SMURF1: variants seen among roughly 807,000 people sequenced by gnomAD.
SMURF1 encodes the protein E3 ubiquitin-protein ligase SMURF1.
Under a neutral mutation model 98.0 loss-of-function variants are expected in SMURF1, and 44 were observed. The ratio of observed to expected loss-of-function variants is 0.45; its 90% CI spans 0.35 to 0.58. The LOEUF (loss-of-function observed/expected upper bound fraction) is 0.58. Ranked by LOEUF, SMURF1 falls within the 20% of genes least tolerant of loss-of-function variation. The pLI is 0.00. For synonymous variants in SMURF1, 396 were observed against 374.9 expected (o/e 1.06, Z -0.65); for missense variants, 687 against 938.4 (o/e 0.73, Z 3.50).
intron 1 of SMURF1, among the ~76,000 whole-genome samples, chr7:99,071,374 G>C (rs905456097): frequency 3.3e-5 from 5 of 152,110 alleles, no homozygotes; most frequent in African/African-American, 1.2e-4. Context: ...ACGGGACACG[G>C]AACTTTTTAT....
intron 3 of SMURF1, 111 bp from the exon 4 acceptor site, chr7:99,057,662 T>C: frequency 7.8e-7 from 1 of 1,286,136 alleles, no homozygotes; most frequent in Non-Finnish European, 1.0e-6. Flanking sequence ...TGGAGTGCAG[T>C]TGTGTGATCT....
intron 1 of SMURF1, among the ~76,000 whole-genome samples, chr7:99,072,384 G>T (rs1193047488): frequency 6.6e-6 from 1 of 152,106 alleles, no homozygotes; most frequent in African/African-American, 2.4e-5. Flanking sequence ...GCCAGGCGTG[G>T]TGGCTCACCA....
chr7:99,090,460 C>G (rs1393952461), intron 1 of SMURF1, among the ~76,000 whole-genome samples: 1 of 152,048 alleles, frequency 6.6e-6, no homozygotes, highest in Non-Finnish European at 1.5e-5. Context: ...ACCCATAATC[C>G]CCTTACAGTC....
intron 11 of SMURF1, among the ~76,000 whole-genome samples, chr7:99,044,571 G>A (rs1795512152): frequency 6.6e-6 from 1 of 152,110 alleles, no homozygotes; most frequent in Non-Finnish European, 1.5e-5. Flanking sequence ...AGAGGCAGAA[G>A]GAATGCTGAA....
At chr7:99,112,816 A>C (rs901681282) in intron 1 of SMURF1, among the ~76,000 whole-genome samples, 8 of 152,154 alleles carry the variant, frequency 5.3e-5, no homozygotes, top group Admixed American at 5.2e-4. Context: ...AAAGTGACAA[A>C]AATTATAAAA....
chr7:99,088,514 C>G (rs1796733137), intron 1 of SMURF1, among the ~76,000 whole-genome samples: 1 of 151,340 alleles, frequency 6.6e-6, no homozygotes, highest in African/African-American at 2.4e-5. Context: ...TTACATAGCT[C>G]TCCAAACAGA....
chr7:99,098,279 G>A (rs1796997989), intron 1 of SMURF1, among the ~76,000 whole-genome samples: 1 of 152,088 alleles, frequency 6.6e-6, no homozygotes, highest in Non-Finnish European at 1.5e-5. Flanking sequence ...TGGAAGCAGG[G>A]GAGACGATAA....
intron 16 of SMURF1, 81 bp from the exon 17 acceptor site, chr7:99,033,202 G>T: frequency 7.2e-7 from 1 of 1,386,250 alleles, no homozygotes; most frequent in Non-Finnish European, 1.0e-6. Flanking sequence ...CAGGAGCAGG[G>T]CCCTGACCAC....
intron 11 of SMURF1, among the ~76,000 whole-genome samples, chr7:99,043,160 C>A (rs1206843422): frequency 2.0e-5 from 3 of 152,072 alleles, no homozygotes; most frequent in Admixed American, 6.6e-5. Context: ...ACATTCCGAC[C>A]GAGCCATGGA....
chr7:99,128,239 T>C (rs1364483236), intron 1 of SMURF1, among the ~76,000 whole-genome samples: 1 of 152,222 alleles, frequency 6.6e-6, no homozygotes, highest in Non-Finnish European at 1.5e-5. Flanking sequence ...TATGACAAGA[T>C]GACCGAATGG....
At chr7:99,039,994 G>A (rs1043625854) in intron 13 of SMURF1, among the ~76,000 whole-genome samples, 1 of 152,208 alleles carries the variant, frequency 6.6e-6, no homozygotes, top group East Asian at 1.9e-4. Context: ...ACGGGCCTGG[G>A]GAGTGGCCTG....
intron 11 of SMURF1, among the ~76,000 whole-genome samples, chr7:99,044,978 A>G (rs1415873188): frequency 1.3e-5 from 2 of 151,968 alleles, no homozygotes; most frequent in Non-Finnish European, 2.9e-5. Flanking sequence ...TCTACAAAAA[A>G]CTTTTTAAAA....
At chr7:99,047,957 G>A in intron 9 of SMURF1, 75 bp from the exon 10 acceptor site, 1 of 1,379,384 alleles carries the variant, frequency 7.2e-7, no homozygotes, top group Non-Finnish European at 1.0e-6. Flanking sequence ...GTACGCGACA[G>A]GGTCAGAGGA....
At chr7:99,052,681 A>G (rs901218330) in intron 6 of SMURF1, among the ~76,000 whole-genome samples, 1 of 152,244 alleles carries the variant, frequency 6.6e-6, no homozygotes, top group Non-Finnish European at 1.5e-5. Context: ...CAACTGTACA[A>G]TTTCACCATA....
chr7:99,050,886 T>G, intron 8 of SMURF1: 19 of 1,126,080 alleles, frequency 1.7e-5, no homozygotes, highest in Non-Finnish European at 2.0e-5. Flanking sequence ...CTTAACTCTG[T>G]TATGGGGTGG....
chr7:99,106,296 T>C (rs1797191752), intron 1 of SMURF1, among the ~76,000 whole-genome samples: 2 of 152,298 alleles, frequency 1.3e-5, no homozygotes, highest in South Asian at 4.1e-4. Flanking sequence ...CTGGAAAATA[T>C]CAAAGATTGA....
chr7:99,036,293 C>A (rs1264946084), intron 15 of SMURF1: 1 of 157,348 alleles, frequency 6.4e-6, no homozygotes, highest in African/African-American at 2.4e-5. Context: ...GCCTGGGCAA[C>A]ATGGCAAAAC....
At chr7:99,083,891 C>T (rs921264379) in intron 1 of SMURF1, among the ~76,000 whole-genome samples, 1 of 152,248 alleles carries the variant, frequency 6.6e-6, no homozygotes, top group African/African-American at 2.4e-5. Flanking sequence ...GCCAATATTT[C>T]AGCTAGAATG....
chr7:99,102,473 A>T (rs192764872), intron 1 of SMURF1, among the ~76,000 whole-genome samples: 2 of 152,300 alleles, frequency 1.3e-5, no homozygotes, highest in Non-Finnish European at 2.9e-5. Flanking sequence ...ATAGCTGTTT[A>T]AAAAAACTTA....
Sources: gnomAD v4.1 joint callset for allele counts (sites outside exome capture counted in the v4.1 genomes callset) on GRCh38, gnomAD v4.1.1 for gene constraint, MANE v1.5 for transcripts, NCBI Gene and HGNC (gene_info 2026-07-23, HGNC 2026-07-21) for gene names.